USP14: variants seen among roughly 807,000 people sequenced by gnomAD.
USP14 encodes the protein ubiquitin specific peptidase 14.
A neutral mutation model predicts 76.5 loss-of-function variants in USP14; 38 were observed. That is an observed-to-expected ratio of 0.50 (90% confidence interval 0.38 to 0.65). The LOEUF (loss-of-function observed/expected upper bound fraction) is 0.65, where lower values mean the gene tolerates loss of function less well. USP14 is among the 30% of genes least tolerant of loss of function. The pLI is 0.00. For synonymous variants in USP14, 192 were observed against 191.7 expected, an observed-to-expected ratio of 1.00 and a Z score of -0.01; for missense variants, 467 against 586.5, an observed-to-expected ratio of 0.80 and a Z score of 2.10.
chr18:173,284 A>AT (rs567977635), intron 3 of USP14, among the ~76,000 whole-genome samples: 6 of 146,548 alleles, frequency 4.1e-5, no homozygotes, highest in East Asian at 2.0e-4. Flanking sequence ...TTTTTTTTGT[A>AT]TTTTTTTTAG....
chr18:162,611 CTCT>C (rs1455711856), intron 1 of USP14, among the ~76,000 whole-genome samples: 4 of 152,106 alleles, frequency 2.6e-5, no homozygotes, highest in Admixed American at 6.6e-5. Context: ...TTCTCTCTCT[CTCT>C]TCTTTTCCAA....
In USP14 at chr18:211,407, A is replaced by G. The variant is rs1910666268; in HGVS notation, c.*123A>G. ...TATGTTTCACCTCATTTGGAACAAA[A>G]GAGGACAGAAGCAGACCACTCTGTG... is the stretch of plus-strand genomic sequence containing the variant. On this transcript the variant is annotated 3_prime_UTR_variant, in exon 16 of 16. Coordinates refer to ENST00000261601, the MANE Select transcript of USP14 (RefSeq NM_005151.4). The G allele has an allele frequency of 1.9e-6, 2 of 1,046,508 alleles. No homozygotes were observed. The highest frequency in any genetic ancestry group is 2.7e-6 in the Non-Finnish European group (2 of 743,540). 64.8% of individuals were successfully genotyped at this position (1,046,508 alleles called of 1,614,324 possible). A position where few individuals can be genotyped will look rare whatever the true frequency, so the allele number is the denominator to read the frequency against.
intron 3 of USP14, among the ~76,000 whole-genome samples, chr18:171,025 A>AATATATATATAT (rs57888885): frequency 9.5e-4 from 45 of 47,598 alleles, no homozygotes; most frequent in African/African-American, 1.1e-3. Flanking sequence ...AAAAAAAAAA[A>AATATATATATAT]ATATATATAT....
Position 201,968 on chromosome 18 carries a change from G to C in USP14, c.877-912G>C, listed in dbSNP as rs149939928. On this transcript the variant is annotated intron_variant, in intron 10 of 15. Transcript: ENST00000261601. ...ACTGCTTTGCTGCTGAATAAACTTG[G>C]TTAAATGTTAAAAAGCTACTCCACA... Among the ~76,000 whole-genome samples the C allele has an allele frequency of 3.6e-3, 542 of 152,204 alleles. 1 individual carries two copies. Among genetic ancestry groups the C allele is most frequent in the African/African-American group, 0.012 (505 of 41,540 alleles).
chr18:169,193 C>A (rs1909367918), intron 3 of USP14, among the ~76,000 whole-genome samples: 1 of 151,618 alleles, frequency 6.6e-6, no homozygotes, highest in African/African-American at 2.4e-5. Context: ...GAGTTCGAGA[C>A]CAGCCTGGCC....
intron 5 of USP14, among the ~76,000 whole-genome samples, chr18:187,117 C>T (rs1481441373): frequency 2.0e-5 from 3 of 152,086 alleles, no homozygotes; most frequent in Non-Finnish European, 4.4e-5. Flanking sequence ...GATTGAACTA[C>T]TGTTTACTCG....
intron 3 of USP14, among the ~76,000 whole-genome samples, chr18:167,144 G>A (rs981521760): frequency 3.9e-5 from 6 of 152,072 alleles, no homozygotes; most frequent in Admixed American, 2.6e-4. Context: ...AGCTACTCGG[G>A]AGGCTGAGGT....
intron 5 of USP14, among the ~76,000 whole-genome samples, chr18:192,031 T>C (rs1229754023): frequency 1.3e-5 from 2 of 152,236 alleles, no homozygotes; most frequent in Non-Finnish European, 2.9e-5. Context: ...ATCATAAAGC[T>C]GAAAGTGAAT....
chr18:196,118 C>G (rs927627806), intron 6 of USP14, among the ~76,000 whole-genome samples: 2 of 151,844 alleles, frequency 1.3e-5, no homozygotes, highest in Non-Finnish European at 2.9e-5. Context: ...GTCAGGAGTT[C>G]GAGACCAGCC....
In USP14 at chr18:198,023, G is replaced by A. The variant is rs766837535; in HGVS notation, c.676-24G>A. On this transcript the variant is annotated intron_variant, in intron 8 of 15. Coordinates refer to ENST00000261601, the MANE Select transcript of USP14 (RefSeq NM_005151.4). ...CTACATTAATATTTATATAAAGTTG[G>A]AATTTTTATTTTAATTTTTGCAGAC... 46 of 1,583,844 alleles carry A rather than the reference G, an allele frequency of 2.9e-5. No homozygotes were observed. In the South Asian group the frequency reaches 5.2e-4, roughly 18 times the overall value.
At chr18:179,683 G>T (rs1390868061) in intron 4 of USP14, among the ~76,000 whole-genome samples, 1 of 149,036 alleles carries the variant, frequency 6.7e-6, no homozygotes, top group Admixed American at 6.7e-5. Flanking sequence ...AACTTCCTGG[G>T]TTCAAGTGAT....
At chr18:210,172 A>G (rs1910631943) in intron 14 of USP14, 141 bp downstream of exon 14, 1 of 763,202 alleles carries the variant, frequency 1.3e-6, no homozygotes, top group African/African-American at 1.8e-5. Flanking sequence ...CCTTAATGAC[A>G]TATAGTAAAT....
intron 1 of USP14, among the ~76,000 whole-genome samples, chr18:159,800 CAG>C (rs757668904): frequency 6.6e-6 from 1 of 152,090 alleles, no homozygotes; most frequent in Non-Finnish European, 1.5e-5. Flanking sequence ...CAGCGCTGAC[CAG>C]AGTTTCTTTT....
At position 211,335 on chromosome 18, in the gene USP14, A is replaced by G; in HGVS notation, c.*51A>G. ...ATGTGAAAATAAATGTTATTTGTTGATCATTTCTATAATCCAGAGCTTTAG... is the reference window on the plus strand; with the variant it reads ...ATGTGAAAATAAATGTTATTTGTTGGTCATTTCTATAATCCAGAGCTTTAG... On this transcript the variant is annotated 3_prime_UTR_variant, in exon 16 of 16. Coordinates refer to ENST00000261601, the MANE Select transcript of USP14 (RefSeq NM_005151.4). 1 of 1,552,574 alleles carries G rather than the reference A, an allele frequency of 6.4e-7. No individual in the cohort carries two copies. Among genetic ancestry groups the G allele is most frequent in the African/African-American group, 1.4e-5 (1 of 73,354 alleles).
intron 1 of USP14, among the ~76,000 whole-genome samples, chr18:161,276 G>A (rs1909111579): frequency 6.6e-6 from 1 of 152,082 alleles, no homozygotes; most frequent in South Asian, 2.1e-4. Flanking sequence ...TTGATCCTTA[G>A]CCAGCTTCCA....
chr18:196,827 C>G (rs960578042), intron 7 of USP14, 60 bp downstream of exon 7: 2 of 1,588,482 alleles, frequency 1.3e-6, no homozygotes, highest in African/African-American at 1.3e-5. Flanking sequence ...CCTACATTTA[C>G]CGTACTTACT....
chr18:178,554 A>C (rs1214594041), intron 3 of USP14, among the ~76,000 whole-genome samples: 2 of 152,122 alleles, frequency 1.3e-5, no homozygotes. Flanking sequence ...CCACTACCAC[A>C]ATCACGATTT....
At chr18:171,499 A>G (rs531576590) in intron 3 of USP14, among the ~76,000 whole-genome samples, 2 of 152,278 alleles carry the variant, frequency 1.3e-5, no homozygotes, top group South Asian at 4.1e-4. Context: ...GGAGTACTGA[A>G]TATTTTAAGG....
chr18:199,307 A>G lies in USP14; in HGVS notation c.867A>G (p.Gly289=). ...INQEVKYLFT[G]LKLRLQEEIT... ...AGGAAGTCAAGTATCTTTTTACAGG[A>G]CTTAAATTGGTAAGGACAATCTCAG... The change falls in exon 10 of 16, where the codon GGA becomes GGG. Residue 289 remains glycine (G), a synonymous_variant. Transcript: ENST00000261601. The G allele has an allele frequency of 1.2e-6, 2 of 1,609,426 alleles. No individual in the cohort carries two copies. The highest frequency in any genetic ancestry group is 1.7e-6 in the Non-Finnish European group (2 of 1,176,114).
Sources: allele counts gnomAD v4.1 joint callset (sites outside exome capture counted in the v4.1 genomes callset), GRCh38; gene constraint gnomAD v4.1.1; transcripts MANE v1.5; gene names NCBI Gene and HGNC (gene_info 2026-07-23, HGNC 2026-07-21).